Variants in DPH6 observed in about 807,000 individuals in gnomAD.
The protein encoded by DPH6 is diphthamine biosynthesis 6.
In DPH6, 33 loss-of-function variants were observed where a neutral mutation model predicts 38.2. The ratio of observed to expected loss-of-function variants is 0.86; its 90% CI spans 0.65 to 1.15. The LOEUF is 1.15. Ranked by LOEUF, DPH6 falls within the 50% of genes most tolerant of loss-of-function variation. The probability of loss-of-function intolerance (pLI) is 0.00; values close to 1 mark genes in which losing one functional copy is unlikely to be tolerated. For synonymous variants in DPH6, 108 were observed against 103.0 expected, an observed-to-expected ratio of 1.05 and a Z score of -0.30; for missense variants, 325 against 320.0, an observed-to-expected ratio of 1.02 and a Z score of -0.12.
In DPH6 at chr15:35,323,831, C is replaced by T. The variant is rs997193246; in HGVS notation, n.200+49690G>A. On this transcript the variant is annotated intron_variant and non_coding_transcript_variant, in intron 3 of 3. Transcript: ENST00000560386. ...GGAACCATTGCTATCAGAATTCTGC[C>T]GGAAATAATTTTATAACATATGACA... Among the ~76,000 whole-genome samples, 7 of 152,162 alleles carry T rather than the reference C, an allele frequency of 4.6e-5. No individual in the cohort carries two copies. In the South Asian group the frequency reaches 6.2e-4, roughly 14 times the overall value.
At chr15:35,412,957 A>C (rs1270004847) in intron 5 of DPH6, among the ~76,000 whole-genome samples, 1 of 151,296 alleles carries the variant, frequency 6.6e-6, no homozygotes, top group East Asian at 1.9e-4. Flanking sequence ...CATCACCAGC[A>C]GTGAACCTTA....
chr15:35,375,133 T>C (rs908407119), intron 7 of DPH6, among the ~76,000 whole-genome samples: 1 of 152,040 alleles, frequency 6.6e-6, no homozygotes, highest in Non-Finnish European at 1.5e-5. Context: ...TAACCTGAAC[T>C]AATACTATCT....
At chr15:35,257,810 C>A (rs2051718362) in intron 3 of DPH6, among the ~76,000 whole-genome samples, 1 of 110,472 alleles carries the variant, frequency 9.1e-6, no homozygotes, top group Non-Finnish European at 2.1e-5. Context: ...TTTCTTACTT[C>A]TTTTATCATT....
chr15:35,162,689 T>A, the DPH6 span, among the ~76,000 whole-genome samples: 6 of 151,820 alleles, frequency 4.0e-5, no homozygotes, highest in Non-Finnish European at 7.4e-5. Flanking sequence ...CTCTCTTCCA[T>A]CAGAATGTAA....
chr15:35,380,446 C>T lies in DPH6; in HGVS notation c.662+1376G>A, dbSNP rs543891927. ...GTAAAGCAGTACATGTCTTGTAATT[C>T]CATGTTGTCCATAAAGACTTCCAGG... On this transcript the variant is annotated intron_variant, in intron 7 of 8. Transcript: ENST00000256538. Among the ~76,000 whole-genome samples the T allele has an allele frequency of 6.6e-5, 10 of 152,272 alleles. No homozygotes were observed. In the South Asian group the frequency reaches 2.1e-3, roughly 32 times the overall value.
rs1328266315 is a variant in DPH6 at position 35,401,045 on chromosome 15, C to T, written c.567+9790G>A. The T allele has an allele frequency of 5.7e-6, 5 of 884,008 alleles. No individual in the cohort carries two copies. The East Asian group carries it at 1.2e-4, about 21-fold the overall frequency. The allele number at this position is 884,008 out of a possible 1,614,324, so 54.8% of individuals were successfully genotyped here. A position where few individuals can be genotyped will look rare whatever the true frequency, so the allele number is the denominator to read the frequency against. ...TTAAAGAAGACACAGAAGAACATCA[C>T]CTAAGAGATTATTTTCAACAGTACA... On this transcript the variant is annotated intron_variant, in intron 6 of 8. Coordinates refer to ENST00000256538, the MANE Select transcript of DPH6 (RefSeq NM_080650.4).
intron 3 of DPH6, among the ~76,000 whole-genome samples, chr15:35,494,499 T>C (rs915961477): frequency 2.0e-5 from 3 of 152,108 alleles, no homozygotes; most frequent in African/African-American, 7.2e-5. Flanking sequence ...CAAGTGCTGA[T>C]GACTATAAAC....
At chr15:35,501,224 TTA>T (rs2054623192) in intron 3 of DPH6, among the ~76,000 whole-genome samples, 1 of 152,194 alleles carries the variant, frequency 6.6e-6, no homozygotes, top group African/African-American at 2.4e-5. Context: ...CAGAAAAACA[TTA>T]GAGACTTACT....
chr15:35,496,788 T>C, intron 3 of DPH6, among the ~76,000 whole-genome samples: 1 of 151,586 alleles, frequency 6.6e-6, no homozygotes, highest in African/African-American at 2.4e-5. Flanking sequence ...ACTTCCTACT[T>C]CTCCAGCCAT....
intron 3 of DPH6, among the ~76,000 whole-genome samples, chr15:35,515,365 G>A (rs1595434608): frequency 2.6e-5 from 4 of 152,114 alleles, no homozygotes; most frequent in African/African-American, 9.6e-5. Context: ...GGCTGGGGTG[G>A]GAGGACTCCT....
chr15:35,482,293 G>A (rs1419444996), intron 3 of DPH6, among the ~76,000 whole-genome samples: 2 of 152,150 alleles, frequency 1.3e-5, no homozygotes, highest in Non-Finnish European at 2.9e-5. Context: ...GCTGAAAAAT[G>A]AGATAGCATA....
At chr15:35,183,593 C>T in the DPH6 span, among the ~76,000 whole-genome samples, 76 of 152,298 alleles carry the variant, frequency 5.0e-4, no homozygotes, top group Middle Eastern at 6.8e-3. Flanking sequence ...CAAACAGAGG[C>T]TTCAAGTCTG....
At chr15:35,199,624 TTC>T in the DPH6 span, among the ~76,000 whole-genome samples, 2 of 152,160 alleles carry the variant, frequency 1.3e-5, no homozygotes, top group Non-Finnish European at 2.9e-5. Flanking sequence ...TCTAGAATGA[TTC>T]TTTTTCATAT....
intron 6 of DPH6, among the ~76,000 whole-genome samples, chr15:35,405,949 T>C (rs1247806181): frequency 6.6e-6 from 1 of 152,002 alleles, no homozygotes; most frequent in Non-Finnish European, 1.5e-5. Context: ...GTTCTTTCTA[T>C]ACTAGGGGCT....
At chr15:35,213,972 C>T (rs1289907758), downstream of DPH6, among the ~76,000 whole-genome samples, 10 of 152,226 alleles carry the variant, frequency 6.6e-5, no homozygotes, top group East Asian at 1.4e-3. Context: ...ATTAGCCAGA[C>T]GTGGTGGCGG....
At chr15:35,402,711 T>A (rs2053236617) in intron 6 of DPH6, among the ~76,000 whole-genome samples, 2 of 152,090 alleles carry the variant, frequency 1.3e-5, no homozygotes, top group Non-Finnish European at 2.9e-5. Flanking sequence ...GCTAAAATTA[T>A]TTCATGGAGT....
At chr15:35,347,765 C>A (rs1050868653) in intron 3 of DPH6, among the ~76,000 whole-genome samples, 28 of 151,926 alleles carry the variant, frequency 1.8e-4, no homozygotes, top group Non-Finnish European at 3.4e-4. Context: ...TACATTCTCA[C>A]CAAAGTGCAT....
chr15:35,448,081 C>T (rs1043752709), intron 5 of DPH6, among the ~76,000 whole-genome samples: 2 of 151,960 alleles, frequency 1.3e-5, no homozygotes, highest in African/African-American at 4.8e-5. Flanking sequence ...TCACGTTTTT[C>T]CTTTATCATT....
chr15:35,433,164 T>C (rs2053653347), intron 5 of DPH6, among the ~76,000 whole-genome samples: 1 of 152,188 alleles, frequency 6.6e-6, no homozygotes, highest in African/African-American at 2.4e-5. Flanking sequence ...AGAAGCAATA[T>C]ATATAACTAA....
Sources: allele counts gnomAD v4.1 joint callset (sites outside exome capture counted in the v4.1 genomes callset), GRCh38; gene constraint gnomAD v4.1.1; transcripts MANE v1.5; gene names NCBI Gene and HGNC (gene_info 2026-07-23, HGNC 2026-07-21).